RSRC1: variants seen among roughly 807,000 people sequenced by gnomAD.
RSRC1 encodes the protein serine/Arginine-related protein 53.
RSRC1 carries 39 observed loss-of-function variants against 49.1 expected under a neutral mutation model. The ratio of observed to expected loss-of-function variants is 0.79; its 90% confidence interval spans 0.61 to 1.04. RSRC1 has a LOEUF of 1.04. Ranked by LOEUF, RSRC1 falls within the 50% of genes least tolerant of loss-of-function variation. The probability of loss-of-function intolerance (pLI) is 0.00; values close to 1 mark genes in which losing one functional copy is unlikely to be tolerated. For missense variants in RSRC1, 388 were observed against 402.4 expected (o/e 0.96, Z 0.31); for synonymous variants, 143 against 130.8 (o/e 1.09, Z -0.63).
At position 158,544,113 on chromosome 3, in the gene RSRC1, C is replaced by T. The variant is rs1419861966; in HGVS notation, c.913-70C>T. 7.7e-6 allele frequency: 8 copies of T among 1,036,974 alleles called. No individual in the cohort carries two copies. In the East Asian group the frequency reaches 9.5e-5, roughly 12 times the overall value. 64.2% of individuals were successfully genotyped at this position (1,036,974 alleles called of 1,614,324 possible). A position where few individuals can be genotyped will look rare whatever the true frequency, so the allele number is the denominator to read the frequency against. On this transcript the variant is annotated intron_variant, in intron 9 of 9. Coordinates refer to ENST00000611884, the MANE Select transcript of RSRC1 (RefSeq NM_001271838.2). ...GAGATATATTCTACAAAGGTGAGTTCTGTCATTTTAGGTCAAATTCAAGTT... is the reference window on the plus strand; with the variant it reads ...GAGATATATTCTACAAAGGTGAGTTTTGTCATTTTAGGTCAAATTCAAGTT...
At chr3:158,330,550 A>G (rs982471195) in intron 5 of RSRC1, among the ~76,000 whole-genome samples, 18 of 152,188 alleles carry the variant, frequency 1.2e-4, no homozygotes, top group African/African-American at 3.9e-4. Context: ...ATTGTTTTCA[A>G]TAGGTACACT....
intron 6 of RSRC1, among the ~76,000 whole-genome samples, chr3:158,391,740 C>G (rs562454891): frequency 1.3e-5 from 2 of 151,970 alleles, no homozygotes; most frequent in African/African-American, 2.4e-5. Context: ...CATAAAGAAG[C>G]AAGAAAAATA....
intron 6 of RSRC1, among the ~76,000 whole-genome samples, chr3:158,419,308 T>G (rs1734914109): frequency 6.6e-6 from 1 of 151,932 alleles, no homozygotes; most frequent in African/African-American, 2.4e-5. Context: ...AGGCATCTTT[T>G]TTTCTCCATC....
intron 3 of RSRC1, among the ~76,000 whole-genome samples, chr3:158,188,875 T>C (rs1720070453): frequency 6.6e-6 from 1 of 151,950 alleles, no homozygotes; most frequent in African/African-American, 2.4e-5. Flanking sequence ...AGTTTACTCT[T>C]CTGCTCTTTT....
intron 6 of RSRC1, among the ~76,000 whole-genome samples, chr3:158,365,518 G>A (rs1017750042): frequency 2.0e-5 from 3 of 152,178 alleles, no homozygotes; most frequent in Non-Finnish European, 4.4e-5. Flanking sequence ...TGTTGTATAT[G>A]TGCCACATTT....
intron 6 of RSRC1, among the ~76,000 whole-genome samples, chr3:158,356,203 A>C (rs1236945834): frequency 2.6e-5 from 4 of 152,038 alleles, no homozygotes. Context: ...TACTATAAAG[A>C]GCTCATAATT....
chr3:158,112,341 T>G (rs1402015076), intron 1 of RSRC1, among the ~76,000 whole-genome samples: 1 of 152,220 alleles, frequency 6.6e-6, no homozygotes, highest in Non-Finnish European at 1.5e-5. Flanking sequence ...TTGGCAAGTA[T>G]ATTTAATTAC....
intron 4 of RSRC1, among the ~76,000 whole-genome samples, chr3:158,289,552 TAATC>T (rs1172272391): frequency 6.6e-6 from 1 of 152,206 alleles, no homozygotes; most frequent in Admixed American, 6.5e-5. Context: ...TTACCGATAA[TAATC>T]AGTCAGATCA....
intron 7 of RSRC1, among the ~76,000 whole-genome samples, chr3:158,482,898 GA>G (rs1738673078): frequency 6.6e-6 from 1 of 151,912 alleles, no homozygotes; most frequent in Non-Finnish European, 1.5e-5. Context: ...AATCTGCACA[GA>G]AATCAAATTA....
chr3:158,402,908 A>C (rs1459761636), intron 6 of RSRC1, among the ~76,000 whole-genome samples: 1 of 151,914 alleles, frequency 6.6e-6, no homozygotes, highest in African/African-American at 2.4e-5. Flanking sequence ...GCCAGATGAT[A>C]AAATGAGTTG....
chr3:158,227,970 C>T (rs1031825552), intron 4 of RSRC1, among the ~76,000 whole-genome samples: 4 of 152,010 alleles, frequency 2.6e-5, no homozygotes, highest in Non-Finnish European at 5.9e-5. Context: ...GAATAGTGCT[C>T]TCCAAAATGA....
chr3:158,273,884 C>T (rs1363150139), intron 4 of RSRC1, among the ~76,000 whole-genome samples: 3 of 152,118 alleles, frequency 2.0e-5, no homozygotes, highest in African/African-American at 7.2e-5. Flanking sequence ...CTCTCTTTCT[C>T]ATCGTAGTTG....
intron 6 of RSRC1, among the ~76,000 whole-genome samples, chr3:158,381,245 A>G (rs546605087): frequency 3.6e-4 from 54 of 151,848 alleles, no homozygotes; most frequent in Non-Finnish European, 6.9e-4. Flanking sequence ...GTTCAATCAT[A>G]ACTGCACAAT....
chr3:158,286,274 A>G (rs567724057), intron 4 of RSRC1, among the ~76,000 whole-genome samples: 2 of 152,294 alleles, frequency 1.3e-5, no homozygotes, highest in African/African-American at 4.8e-5. Flanking sequence ...TCCCTTGACT[A>G]AAGTTTGGGA....
chr3:158,219,838 A>G (rs150868718), intron 4 of RSRC1, among the ~76,000 whole-genome samples: 12 of 151,708 alleles, frequency 7.9e-5, no homozygotes, highest in Non-Finnish European at 1.6e-4. Context: ...GTTATTTAAT[A>G]CTGAATGATA....
At chr3:158,364,816 AAAT>A (rs59055843) in intron 6 of RSRC1, among the ~76,000 whole-genome samples, 13,166 of 144,130 alleles carry the variant, frequency 0.091, 855 homozygotes, top group African/African-American at 0.18. Context: ...AGAATGGGAA[AAAT>A]AATAATAATA....
chr3:158,405,431 A>G (rs1734114500), intron 6 of RSRC1, among the ~76,000 whole-genome samples: 1 of 152,112 alleles, frequency 6.6e-6, no homozygotes, highest in Non-Finnish European at 1.5e-5. Flanking sequence ...TTTGTAGTAT[A>G]TAATGCAGTA....
intron 5 of RSRC1, among the ~76,000 whole-genome samples, chr3:158,331,505 T>C (rs1361057858): frequency 3.3e-5 from 5 of 152,170 alleles, no homozygotes; most frequent in Non-Finnish European, 4.4e-5. Flanking sequence ...TTATATAAAA[T>C]TGAATATTTT....
intron 4 of RSRC1, among the ~76,000 whole-genome samples, chr3:158,217,132 T>C (rs1262157454): frequency 6.6e-6 from 1 of 151,326 alleles, no homozygotes; most frequent in African/African-American, 2.4e-5. Flanking sequence ...TTAAAAGATG[T>C]GATCAAAGTT....
Sources: allele counts gnomAD v4.1 joint callset (sites outside exome capture counted in the v4.1 genomes callset), GRCh38; gene constraint gnomAD v4.1.1; transcripts MANE v1.5; gene names NCBI Gene and HGNC (gene_info 2026-07-23, HGNC 2026-07-21).